SRPK1: variants seen among roughly 807,000 people sequenced by gnomAD.
SRPK1 encodes the protein SFRS protein kinase 1.
SRPK1 carries 52 observed loss-of-function variants against 89.5 expected under a neutral mutation model. That is an observed-to-expected ratio of 0.58 (90% confidence interval 0.46 to 0.73). SRPK1 has a LOEUF of 0.73. SRPK1 is among the 30% of genes least tolerant of loss of function. SRPK1 has a pLI of 0.00. For missense variants in SRPK1, 603 were observed against 780.6 expected, an observed-to-expected ratio of 0.77 and a Z score of 2.71; for synonymous variants, 255 against 270.2, an observed-to-expected ratio of 0.94 and a Z score of 0.55.
At chr6:35,908,211 C>G (rs1770890562) in intron 2 of SRPK1, among the ~76,000 whole-genome samples, 1 of 152,040 alleles carries the variant, frequency 6.6e-6, no homozygotes, top group Non-Finnish European at 1.5e-5. Flanking sequence ...GTGGAAGCAA[C>G]TTTGGAACTG....
chr6:35,915,406 CAA>C (rs560685673), intron 2 of SRPK1, among the ~76,000 whole-genome samples: 336 of 73,884 alleles, frequency 4.5e-3, no homozygotes, highest in Non-Finnish European at 6.8e-3. Flanking sequence ...GACACCGTCT[CAA>C]AAAAAAAAAA....
intron 6 of SRPK1, among the ~76,000 whole-genome samples, chr6:35,882,452 G>A (rs906934032): frequency 3.3e-5 from 5 of 152,016 alleles, no homozygotes; most frequent in African/African-American, 1.2e-4. Context: ...AAGTAGCTGG[G>A]ACTACAGGCA....
At position 35,903,362 on chromosome 6, in the gene SRPK1, A is replaced by G. The variant is rs1190538385; in HGVS notation, c.75-12349T>C. On this transcript the variant is annotated intron_variant, in intron 2 of 15. Coordinates refer to ENST00000373825, the MANE Select transcript of SRPK1 (RefSeq NM_003137.5). The stretch of plus-strand genomic sequence containing the variant: ...CCCCACCTCTACTGAAAATACTACA[A>G]TTAGTCAGGTGTGGTGGCATGTGCC... Among the ~76,000 whole-genome samples the G allele has an allele frequency of 2.0e-5, 3 of 151,988 alleles. No individual in the cohort carries two copies. In the East Asian group the frequency reaches 5.8e-4, roughly 29 times the overall value.
At chr6:35,902,153 T>C (rs1158024878) in intron 2 of SRPK1, among the ~76,000 whole-genome samples, 1 of 146,634 alleles carries the variant, frequency 6.8e-6, no homozygotes, top group Non-Finnish European at 1.5e-5. Flanking sequence ...CCCATGTCTG[T>C]AATCCCAGCA....
At position 35,890,982 on chromosome 6, in the gene SRPK1, G is replaced by T; in HGVS notation, c.106C>A (p.His36Asn). 1 of 1,552,890 alleles carries T rather than the reference G, an allele frequency of 6.4e-7. No homozygotes were observed. Among genetic ancestry groups the T allele is most frequent in the Non-Finnish European group, 8.7e-7 (1 of 1,147,282 alleles). Residue 36 changes from histidine to asparagine, a missense_variant, in exon 3 of 16, where the codon CAC becomes AAC. By Grantham distance (68) the His-to-Asn change is moderately conservative. Transcript: ENST00000373825. ...SETQHRGSAP[H>N]SESDLPEQEE... ...TGCTCTGGTAGATCACTCTCAGAGT[G>T]GGGAGCAGAGCCTCGGTGCTGAGTT...
chr6:35,915,997 TAC>T (rs57574093), intron 2 of SRPK1, among the ~76,000 whole-genome samples: 13,135 of 88,700 alleles, frequency 0.15, 1,259 homozygotes, highest in East Asian at 0.18. Context: ...AAAAAATATA[TAC>T]ACACACACAC....
At chr6:35,838,910 G>A (rs527713869) in intron 14 of SRPK1, 2 of 1,117,500 alleles carry the variant, frequency 1.8e-6, no homozygotes, top group South Asian at 2.8e-5. Flanking sequence ...ATAAAACCAA[G>A]GATACTGAAG....
At chr6:35,915,995 TATAC>T (rs1395196141) in intron 2 of SRPK1, among the ~76,000 whole-genome samples, 3,248 of 54,536 alleles carry the variant, frequency 0.06, 151 homozygotes, top group East Asian at 0.25. Context: ...AAAAAAAATA[TATAC>T]ACACACACAC....
At chr6:35,911,641 G>A (rs1206139823) in intron 2 of SRPK1, among the ~76,000 whole-genome samples, 1 of 151,632 alleles carries the variant, frequency 6.6e-6, no homozygotes, top group African/African-American at 2.4e-5. Context: ...ATGTTGCCCA[G>A]GCTGGCCTTG....
intron 1 of SRPK1, 88 bp downstream of exon 1, chr6:35,920,956 G>T: frequency 1.4e-6 from 2 of 1,410,016 alleles, no homozygotes; most frequent in Non-Finnish European, 9.5e-7. Flanking sequence ...GAACCGAACC[G>T]CGGCAGTTAA....
intron 7 of SRPK1, 112 bp from the exon 8 acceptor site, chr6:35,872,840 A>G: frequency 3.9e-6 from 4 of 1,035,604 alleles, no homozygotes; most frequent in Non-Finnish European, 5.3e-6. Context: ...AGCGTTTTCT[A>G]TAGAGAATAA....
At chr6:35,844,023 T>TG (rs1161145348) in intron 13 of SRPK1, among the ~76,000 whole-genome samples, 9 of 150,994 alleles carry the variant, frequency 6.0e-5, no homozygotes, top group Non-Finnish European at 1.3e-4. Context: ...TTTTTTTTTT[T>TG]GGATGGAGTC....
At chr6:35,917,409 G>C (rs1230079251) in intron 2 of SRPK1, among the ~76,000 whole-genome samples, 1 of 152,190 alleles carries the variant, frequency 6.6e-6, no homozygotes, top group Non-Finnish European at 1.5e-5. Context: ...TTTTCTAGGG[G>C]AGTAATCTGA....
At chr6:35,908,553 G>C (rs952724002) in intron 2 of SRPK1, among the ~76,000 whole-genome samples, 1 of 152,202 alleles carries the variant, frequency 6.6e-6, no homozygotes, top group African/African-American at 2.4e-5. Context: ...CATGACCTGG[G>C]TTATTCTGAA....
At chr6:35,905,394 T>C (rs1770830042) in intron 2 of SRPK1, among the ~76,000 whole-genome samples, 1 of 152,176 alleles carries the variant, frequency 6.6e-6, no homozygotes, top group East Asian at 1.9e-4. Context: ...TCATAAGCCA[T>C]ATTCTAAAAA....
intron 6 of SRPK1, among the ~76,000 whole-genome samples, chr6:35,884,976 GA>G (rs1254048601): frequency 4.6e-5 from 7 of 151,872 alleles, no homozygotes; most frequent in African/African-American, 1.7e-4. Flanking sequence ...CTCCAAAAAA[GA>G]AAAAGAAAAA....
chr6:35,868,933 G>T, intron 12 of SRPK1, 77 bp downstream of exon 12: 1 of 1,142,132 alleles, frequency 8.8e-7, no homozygotes, highest in Non-Finnish European at 1.3e-6. Flanking sequence ...AATTATGGAT[G>T]TTTTGCATAA....
At chr6:35,866,140 T>C (rs1421153445) in intron 12 of SRPK1, among the ~76,000 whole-genome samples, 1 of 151,360 alleles carries the variant, frequency 6.6e-6, no homozygotes, top group East Asian at 1.9e-4. Context: ...AGCAGAGAAA[T>C]ACAAATTAAA....
Position 35,842,615 on chromosome 6 carries a change from AAG to A in SRPK1, c.1621-13_1621-12del. The A allele has an allele frequency of 6.2e-7, 1 of 1,601,096 alleles. No individual in the cohort carries two copies. Among genetic ancestry groups the A allele is most frequent in the Non-Finnish European group, 8.5e-7 (1 of 1,175,408 alleles). Reference sequence around the variant, plus strand: ...GGCCAGTTCAAAGGCCTAAAAAAAAAAGAGGACAGTATATGAAAGCACAAAAG... The same window carrying A: ...GGCCAGTTCAAAGGCCTAAAAAAAAAAGGACAGTATATGAAAGCACAAAAG... On this transcript the variant is annotated splice_polypyrimidine_tract_variant and intron_variant, in intron 13 of 15. Transcript: ENST00000373825.
Sources: gnomAD v4.1 joint callset for allele counts (sites outside exome capture counted in the v4.1 genomes callset) on GRCh38, gnomAD v4.1.1 for gene constraint, MANE v1.5 for transcripts, NCBI Gene and HGNC (gene_info 2026-07-23, HGNC 2026-07-21) for gene names.